The following LIG3 variants were observed in gnomAD, a reference collection of about 807,000 sequenced individuals.
LIG3 encodes DNA ligase 3.
Under a neutral mutation model 110.9 loss-of-function variants are expected in LIG3, and 58 were observed. The observed-to-expected ratio is 0.52, with a 90% CI of 0.42 to 0.65. The LOEUF (loss-of-function observed/expected upper bound fraction) is 0.65. Ranked by LOEUF, LIG3 falls within the 30% of genes least tolerant of loss-of-function variation. The probability of loss-of-function intolerance (pLI) is 0.00; values close to 1 mark genes in which losing one functional copy is unlikely to be tolerated. For synonymous variants in LIG3, 422 were observed against 472.8 expected (o/e 0.89, Z 1.39); for missense variants, 1,094 against 1,273.8 (o/e 0.86, Z 2.15).
chr17:34,998,175 T>C (rs2090799515), intron 12 of LIG3, 44 bp from the exon 13 acceptor site: 2 of 1,497,632 alleles, frequency 1.3e-6, no homozygotes, highest in East Asian at 2.3e-5. Context: ...ACTCACCACC[T>C]TCTCCACTCT....
intron 11 of LIG3, 53 bp downstream of exon 11, chr17:34,996,706 T>C (rs2090782047): frequency 6.8e-7 from 1 of 1,468,476 alleles, no homozygotes; most frequent in African/African-American, 1.4e-5. Flanking sequence ...CTGTTTTCAT[T>C]TCCTGGGTGA....
chr17:34,989,944 T>G (rs1330079818), intron 4 of LIG3: 7 of 415,056 alleles, frequency 1.7e-5, no homozygotes, highest in Non-Finnish European at 2.2e-5. Context: ...GAACCCATCC[T>G]ATTTGACTAG....
At chr17:34,992,198 T>A (rs997917952) in intron 7 of LIG3, among the ~76,000 whole-genome samples, 163 bp downstream of exon 7, 1 of 152,208 alleles carries the variant, frequency 6.6e-6, no homozygotes, top group African/African-American at 2.4e-5. Flanking sequence ...TCTGCCTCCA[T>A]TTTTTCCCAT....
intron 2 of LIG3, 95 bp from the exon 3 acceptor site, chr17:34,985,893 A>G (rs1333648962): frequency 7.5e-7 from 1 of 1,341,146 alleles, no homozygotes. Context: ...GTGACTTAAC[A>G]AGCAAGGCCC....
At chr17:34,999,957 G>C (rs2040156665) in intron 16 of LIG3, 101 bp downstream of exon 16, 5 of 900,696 alleles carry the variant, frequency 5.6e-6, no homozygotes, top group Non-Finnish European at 8.8e-6. Context: ...AGTCCACCCA[G>C]GGATAGGGGT....
chr17:34,992,825 G>A, intron 8 of LIG3, 133 bp downstream of exon 8: 1 of 848,902 alleles, frequency 1.2e-6, no homozygotes. Context: ...GAAGAGGGAG[G>A]TGCAAGGGGG....
At chr17:35,000,084 C>T (rs2090823686) in intron 16 of LIG3, among the ~76,000 whole-genome samples, 1 of 152,148 alleles carries the variant, frequency 6.6e-6, no homozygotes. Flanking sequence ...AAGAGAGTAC[C>T]TATCCCCTCA....
intron 1 of LIG3, chr17:34,981,090 G>A (rs915325078): frequency 2.0e-5 from 3 of 152,308 alleles, no homozygotes; most frequent in Non-Finnish European, 2.9e-5. Context: ...GAAGCCCTTC[G>A]AGAAAAGCGG....
intron 8 of LIG3, among the ~76,000 whole-genome samples, chr17:34,993,548 T>TG (rs2090747714): frequency 6.6e-6 from 1 of 152,206 alleles, no homozygotes; most frequent in Non-Finnish European, 1.5e-5. Context: ...AAGACTGGCA[T>TG]GGGTTATATA....
rs762805443 is a variant in LIG3, at chr17:35,005,476, G to T, written c.*970G>T. Reference sequence around the variant, plus strand: ...GATATTGTTGAACCCCCAAGTATTGGCTGATGAACGTGGGCATCAGAGGCC... The same window carrying T: ...GATATTGTTGAACCCCCAAGTATTGTCTGATGAACGTGGGCATCAGAGGCC... On this transcript the variant is annotated 3_prime_UTR_variant, in exon 20 of 20. Transcript: ENST00000378526. The T allele has an allele frequency of 1.8e-6, 1 of 561,354 alleles. No homozygotes were observed. Among genetic ancestry groups the T allele is most frequent in the Non-Finnish European group, 3.6e-6 (1 of 276,992 alleles). The allele number at this position is 561,354 out of a possible 1,614,324, so 34.8% of individuals were successfully genotyped here. A position where few individuals can be genotyped will look rare whatever the true frequency, so the allele number is the denominator to read the frequency against.
intron 11 of LIG3, chr17:34,997,073 C>T (rs747919523): frequency 7.1e-5 from 12 of 169,142 alleles, no homozygotes; most frequent in Non-Finnish European, 1.4e-4. Context: ...GTTTTCAGCT[C>T]AGAGGTTTTG....
At chr17:34,996,522 T>G (rs749971922) in intron 10 of LIG3, 52 bp from the exon 11 acceptor site, 10 of 1,449,176 alleles carry the variant, frequency 6.9e-6, no homozygotes, top group Non-Finnish European at 9.7e-6. Flanking sequence ...TCCTTATTTT[T>G]TCACACTGAC....
At chr17:34,994,947 CA>C (rs1285859194) in intron 9 of LIG3, among the ~76,000 whole-genome samples, 2 of 152,148 alleles carry the variant, frequency 1.3e-5, no homozygotes, top group Non-Finnish European at 2.9e-5. Flanking sequence ...CTTATGGGGA[CA>C]TCTAGGAGCC....
rs745934733 is a variant in LIG3, at chr17:35,009,314, T to C, written c.*4808T>C. ...CTAGTTCCTGTACAGCTTATTCTTATTAGTTTGGATCCAACTATTCCAATG... is the reference window on the plus strand; with the variant it reads ...CTAGTTCCTGTACAGCTTATTCTTACTAGTTTGGATCCAACTATTCCAATG... On this transcript the variant is annotated 3_prime_UTR_variant, in exon 20 of 20. Coordinates refer to ENST00000378526, the MANE Select transcript of LIG3 (RefSeq NM_013975.4). 2.6e-5 allele frequency: 4 copies of C among 152,360 alleles called. No individual in the cohort carries two copies. The highest frequency in any genetic ancestry group is 1.9e-4 in the East Asian group (1 of 5,202). The allele number at this position is 152,360 out of a possible 1,614,324, so 9.4% of individuals were successfully genotyped here.
chr17:34,983,972 C>T (rs866958299), intron 2 of LIG3, among the ~76,000 whole-genome samples: 28 of 152,328 alleles, frequency 1.8e-4, no homozygotes, highest in African/African-American at 3.4e-4. Context: ...CACACGTGTG[C>T]GTGCACTCAC....
intron 9 of LIG3, 69 bp from the exon 10 acceptor site, chr17:34,995,995 C>G: frequency 6.4e-7 from 1 of 1,561,324 alleles, no homozygotes; most frequent in Non-Finnish European, 8.7e-7. Context: ...CGGGCTTTGC[C>G]CTCCATGGCA....
At chr17:34,989,823 G>GC in intron 4 of LIG3, 160 bp downstream of exon 4, 1 of 675,140 alleles carries the variant, frequency 1.5e-6, no homozygotes, top group Non-Finnish European at 2.5e-6. Flanking sequence ...TGAACAAGGG[G>GC]CCTCGCATTT....
intron 9 of LIG3, among the ~76,000 whole-genome samples, chr17:34,994,701 C>T: frequency 6.6e-6 from 1 of 152,212 alleles, no homozygotes; most frequent in East Asian, 1.9e-4. Flanking sequence ...GATATTGGGA[C>T]AGTGAGCTCA....
rs565187684 is a variant in LIG3, at chr17:35,009,331, A to G, written c.*4825A>G. 1.3e-5 allele frequency: 2 copies of G among 152,438 alleles called. No homozygotes were observed. The highest frequency in any genetic ancestry group is 1.9e-4 in the East Asian group (1 of 5,192). The allele number at this position is 152,438 out of a possible 1,614,324, so 9.4% of individuals were successfully genotyped here. A position where few individuals can be genotyped will look rare whatever the true frequency, so the allele number is the denominator to read the frequency against. ...TATTCTTATTAGTTTGGATCCAACT[A>G]TTCCAATGTATTATGAACCAGTCAG... is the stretch of plus-strand genomic sequence containing the variant. On this transcript the variant is annotated 3_prime_UTR_variant, in exon 20 of 20. Transcript: ENST00000378526.
Sources: allele counts gnomAD v4.1 joint callset (sites outside exome capture counted in the v4.1 genomes callset), GRCh38; gene constraint gnomAD v4.1.1; transcripts MANE v1.5; gene names NCBI Gene and HGNC (gene_info 2026-07-23, HGNC 2026-07-21).